The following RFT1 variants were observed in gnomAD, a reference collection of about 807,000 sequenced individuals.
RFT1 encodes the protein man(5)GlcNAc(2)-PP-dolichol translocation protein RFT1.
Under a neutral mutation model 62.2 loss-of-function variants are expected in RFT1, and 43 were observed. The ratio of observed to expected loss-of-function variants is 0.69; its 90% CI spans 0.54 to 0.89. The LOEUF (loss-of-function observed/expected upper bound fraction) is 0.89. RFT1 is among the 40% of genes least tolerant of loss of function. RFT1 has a pLI of 0.00. For missense variants in RFT1, 605 were observed against 649.9 expected (o/e 0.93, Z 0.75); for synonymous variants, 262 against 264.6 (o/e 0.99, Z 0.10).
At chr3:53,086,998 G>A (rs62255925), downstream of RFT1, among the ~76,000 whole-genome samples, 41,173 of 152,116 alleles carry the variant, frequency 0.27, 6,068 homozygotes, top group Middle Eastern at 0.4. Context: ...AGCACTTTGG[G>A]AGGCGGAGGC....
At chr3:53,119,828 C>A in intron 6 of RFT1, 56 bp downstream of exon 6, 1 of 1,472,342 alleles carries the variant, frequency 6.8e-7, no homozygotes, top group South Asian at 1.2e-5. Context: ...TTCTTTCTCT[C>A]AAGGATAAGC....
intron 8 of RFT1, among the ~76,000 whole-genome samples, chr3:53,106,096 G>A (rs1398349174): frequency 2.0e-5 from 3 of 152,080 alleles, no homozygotes; most frequent in African/African-American, 7.2e-5. Context: ...AGCCAGGCGT[G>A]GTGGTGTGCA....
chr3:53,099,421 ACT>A lies in RFT1; in HGVS notation c.1166_1167del (p.Glu389ValfsTer49). ...VLLLAINGVT[E>X]CFTFAAMSKE... is the part of the protein sequence containing the mutation. ...TTGCTCATGGCAGCAAATGTGAAAC[ACT>A]CTGTCACTCCATTGATGGCAAGCAG... On this transcript the variant is annotated frameshift_variant, in exon 11 of 13. Coordinates refer to ENST00000296292, the MANE Select transcript of RFT1 (RefSeq NM_052859.4). LOFTEE classifies it high-confidence loss of function. The A allele has an allele frequency of 1.9e-6, 3 of 1,614,136 alleles. No homozygotes were observed. The highest frequency in any genetic ancestry group is 2.5e-6 in the Non-Finnish European group (3 of 1,180,002).
In RFT1 at chr3:53,092,642, G is replaced by A. The variant is rs754940113; in HGVS notation, c.1209-24C>T. 12 of 1,605,638 alleles carry A rather than the reference G, an allele frequency of 7.5e-6. No individual in the cohort carries two copies. The South Asian group carries it at 1.2e-4, about 17-fold the overall frequency. On this transcript the variant is annotated intron_variant, in intron 11 of 12. Transcript: ENST00000296292. ...ACCTGGGGAGGAGACAGGAAAAGGA[G>A]GGCAGTGGTGACCTTGCCCTGGACA...
At chr3:53,112,050 A>C in intron 6 of RFT1, 142 bp from the exon 7 acceptor site, 1 of 724,240 alleles carries the variant, frequency 1.4e-6, no homozygotes, top group Non-Finnish European at 2.5e-6. Context: ...AATGCTAAGC[A>C]CACAGAAGGC....
intron 4 of RFT1, 141 bp from the exon 5 acceptor site, chr3:53,121,941 G>A (rs748979358): frequency 9.8e-6 from 7 of 715,372 alleles, no homozygotes; most frequent in African/African-American, 5.3e-5. Context: ...TATCAGTAAC[G>A]TTTTACTTCT....
Position 53,122,461 on chromosome 3 carries a change from C to T in RFT1, c.369G>A (p.Val123=), listed in dbSNP as rs1701996581. 1.2e-6 allele frequency: 2 copies of T among 1,614,046 alleles called. No homozygotes were observed. Among genetic ancestry groups the T allele is most frequent in the South Asian group, 2.2e-5 (2 of 91,078 alleles). Residue 123 remains valine (V), a synonymous_variant, in exon 4 of 13, where the codon GTG becomes GTA. Coordinates refer to ENST00000296292, the MANE Select transcript of RFT1 (RefSeq NM_052859.4). ...CCACTGCCGAGAGACCAAACAGCAC[C>T]ACTCCAGTTGCATAGTGAGGGACAA... ...PNVVPHYATG[V]VLFGLSAVVE...
chr3:53,128,089 G>C (rs894209006), intron 1 of RFT1, among the ~76,000 whole-genome samples: 1 of 152,192 alleles, frequency 6.6e-6, no homozygotes, highest in Non-Finnish European at 1.5e-5. Context: ...CTTGAGGTCA[G>C]AAGTTCGAGA....
chr3:53,112,480 G>A (rs1419233763), intron 6 of RFT1, among the ~76,000 whole-genome samples: 1 of 152,182 alleles, frequency 6.6e-6, no homozygotes, highest in Non-Finnish European at 1.5e-5. Flanking sequence ...GGTTGCTCAC[G>A]CCTATAATCA....
At chr3:53,076,552 A>C in the RFT1 span, among the ~76,000 whole-genome samples, 1 of 152,254 alleles carries the variant, frequency 6.6e-6, no homozygotes, top group Non-Finnish European at 1.5e-5. Flanking sequence ...TTAAACATGT[A>C]AACACTGAAT....
chr3:53,112,904 C>T (rs1245965657), intron 6 of RFT1, among the ~76,000 whole-genome samples: 4 of 152,096 alleles, frequency 2.6e-5, no homozygotes, highest in Admixed American at 2.0e-4. Flanking sequence ...CCAGGGAGCT[C>T]GGTATCCTCT....
At chr3:53,107,299 C>A (rs1027868782) in intron 7 of RFT1, among the ~76,000 whole-genome samples, 7 of 152,028 alleles carry the variant, frequency 4.6e-5, no homozygotes, top group Admixed American at 4.6e-4. Flanking sequence ...CCGCACCCGG[C>A]TAATTTTTTT....
At chr3:53,093,228 G>C (rs1320162999) in intron 11 of RFT1, among the ~76,000 whole-genome samples, 1 of 152,120 alleles carries the variant, frequency 6.6e-6, no homozygotes, top group African/African-American at 2.4e-5. Context: ...AAATGAAATG[G>C]GAACTGAAAC....
intron 7 of RFT1, among the ~76,000 whole-genome samples, chr3:53,108,039 A>G (rs571557798): frequency 1.7e-4 from 26 of 152,090 alleles, no homozygotes; most frequent in African/African-American, 6.3e-4. Context: ...CTGCAAATAC[A>G]GTTTTGTTTT....
the RFT1 span, among the ~76,000 whole-genome samples, chr3:53,072,243 C>T: frequency 3.3e-5 from 5 of 152,132 alleles, no homozygotes; most frequent in African/African-American, 4.8e-5. Context: ...GATAAGGCTG[C>T]GTGGGAGCCT....
At chr3:53,107,198 C>T (rs919819630) in intron 7 of RFT1, among the ~76,000 whole-genome samples, 4 of 148,902 alleles carry the variant, frequency 2.7e-5, no homozygotes, top group African/African-American at 7.4e-5. Context: ...TACAGTGGCA[C>T]GATTTCGGCT....
At position 53,130,334 on chromosome 3, in the gene RFT1, G is replaced by A; in HGVS notation, c.63+4C>T. 2 of 1,567,212 alleles carry A rather than the reference G, an allele frequency of 1.3e-6. No homozygotes were observed. The highest frequency in any genetic ancestry group is 1.7e-6 in the Non-Finnish European group (2 of 1,156,298). ...CAAGCTGGAACCTGAAGGGCAGAGA[G>A]TACCTGCAGGAGGAGACCGGAGGAG... On this transcript the variant is annotated splice_donor_region_variant and intron_variant, in intron 1 of 12. Coordinates refer to ENST00000296292, the MANE Select transcript of RFT1 (RefSeq NM_052859.4).
Position 53,091,989 on chromosome 3 carries a change from C to T in RFT1, c.1540G>A (p.Gly514Arg), listed in dbSNP as rs927269749. The change falls in exon 13 of 13, where the codon GGG (glycine) becomes AGG (arginine). Residue 514 changes from glycine to arginine, a missense_variant. Transcript: ENST00000296292. ...TTGGTCTCTGTGAGGAATGCTGTCC[C>T]GAGAGTTGCTCCCAGACAGAAGGCC... ...VGAFCLGATL[G>R]TAFLTETKLI... The T allele has an allele frequency of 5.6e-6, 9 of 1,614,120 alleles. No homozygotes were observed. The highest frequency in any genetic ancestry group is 2.7e-5 in the African/African-American group (2 of 74,934).
chr3:53,101,986 G>A (rs966697747), intron 10 of RFT1, among the ~76,000 whole-genome samples: 1 of 150,164 alleles, frequency 6.7e-6, no homozygotes, highest in Non-Finnish European at 1.5e-5. Flanking sequence ...GCAGTGAGCC[G>A]AGATCACACC....
Sources: gnomAD v4.1 joint callset for allele counts (sites outside exome capture counted in the v4.1 genomes callset) on GRCh38, gnomAD v4.1.1 for gene constraint, MANE v1.5 for transcripts, NCBI Gene and HGNC (gene_info 2026-07-23, HGNC 2026-07-21) for gene names.